Variants in EBF1 observed in about 807,000 individuals in gnomAD.
The protein encoded by EBF1 is EBF transcription factor 1, also known as transcription factor COE1.
A neutral mutation model predicts 68.4 loss-of-function variants in EBF1; 10 were observed. The observed-to-expected ratio is 0.15, with a 90% CI of 0.09 to 0.25. The LOEUF is 0.25. Ranked by LOEUF, EBF1 falls within the 10% of genes least tolerant of loss-of-function variation. The pLI is 1.00. For synonymous variants in EBF1, 298 were observed against 299.8 expected (o/e 0.99, Z 0.06); for missense variants, 509 against 794.4 (o/e 0.64, Z 4.32).
chr5:158,777,296 A>C lies in EBF1; in HGVS notation c.1036+117T>G, dbSNP rs1055490746. The stretch of plus-strand genomic sequence containing the variant: ...CATACATATGGTAAAATGAAGAAAG[A>C]AAGCAGGCTTTAACTAGATTTTAAA... On this transcript the variant is annotated intron_variant, in intron 10 of 15. Coordinates refer to ENST00000313708, the MANE Select transcript of EBF1 (RefSeq NM_024007.5). 2.5e-6 allele frequency: 3 copies of C among 1,198,016 alleles called. No individual in the cohort carries two copies. In the East Asian group the frequency reaches 8.3e-5, roughly 33 times the overall value. The allele number at this position is 1,198,016 out of a possible 1,614,324, so 74.2% of individuals were successfully genotyped here.
intron 6 of EBF1, among the ~76,000 whole-genome samples, chr5:158,855,244 T>A (rs933815793): frequency 2.0e-5 from 3 of 152,240 alleles, no homozygotes; most frequent in Non-Finnish European, 4.4e-5. Context: ...AACAATTTTT[T>A]AAAAACAGGC....
chr5:159,013,345 A>C (rs1354013371), intron 6 of EBF1, among the ~76,000 whole-genome samples: 1 of 152,212 alleles, frequency 6.6e-6, no homozygotes, highest in Admixed American at 6.5e-5. Flanking sequence ...CATGAATCAA[A>C]TAGTCTCCTA....
chr5:159,047,939 T>A (rs1772759706), intron 6 of EBF1, among the ~76,000 whole-genome samples: 1 of 152,146 alleles, frequency 6.6e-6, no homozygotes, highest in African/African-American at 2.4e-5. Context: ...CCCAGAACTG[T>A]CTGCATTTCA....
At chr5:158,715,108 G>A (rs1760348432) in intron 11 of EBF1, among the ~76,000 whole-genome samples, 1 of 152,180 alleles carries the variant, frequency 6.6e-6, no homozygotes, top group South Asian at 2.1e-4. Context: ...GAAAAGCAAA[G>A]TTAAGCTTGA....
chr5:158,947,849 G>A (rs978140403), intron 6 of EBF1, among the ~76,000 whole-genome samples: 2 of 151,884 alleles, frequency 1.3e-5, no homozygotes, highest in African/African-American at 2.4e-5. Context: ...AGGAGAACAG[G>A]AGAAATGTGG....
At position 158,841,048 on chromosome 5, in the gene EBF1, C is replaced by T. The variant is rs138467904; in HGVS notation, c.555-938G>A. ...TAAAGATTTTCCTGCCTCACTGCCA[C>T]CTTGGTTTCTGAATTGGTTCTGTAG... On this transcript the variant is annotated intron_variant, in intron 6 of 15. Transcript: ENST00000313708. Among the ~76,000 whole-genome samples the T allele has an allele frequency of 5.2e-3, 790 of 152,226 alleles. 4 individuals are homozygous for T. The highest frequency in any genetic ancestry group is 9.2e-3 in the Non-Finnish European group (626 of 68,014).
At chr5:158,965,368 T>C (rs907410609) in intron 6 of EBF1, among the ~76,000 whole-genome samples, 3 of 152,204 alleles carry the variant, frequency 2.0e-5, no homozygotes, top group Admixed American at 6.5e-5. Context: ...AAAAAATGCT[T>C]GCAAACTTGT....
At chr5:159,093,814 C>T (rs766707515) in intron 4 of EBF1, among the ~76,000 whole-genome samples, 3 of 151,936 alleles carry the variant, frequency 2.0e-5, no homozygotes, top group Non-Finnish European at 2.9e-5. Flanking sequence ...TAATTCTGTG[C>T]TTCTTACAAT....
At chr5:158,979,426 T>G (rs1583629495) in intron 6 of EBF1, among the ~76,000 whole-genome samples, 1 of 152,070 alleles carries the variant, frequency 6.6e-6, no homozygotes, top group Admixed American at 6.5e-5. Context: ...TTGCAGTGGG[T>G]GTGTGTGTTT....
intron 8 of EBF1, among the ~76,000 whole-genome samples, chr5:158,807,461 C>T (rs998075001): frequency 2.0e-5 from 3 of 152,096 alleles, no homozygotes; most frequent in Admixed American, 6.6e-5. Context: ...TTAGTAAATC[C>T]AGGTTTTCAT....
chr5:158,862,392 C>G (rs1469412250), intron 6 of EBF1, among the ~76,000 whole-genome samples: 6 of 152,102 alleles, frequency 3.9e-5, no homozygotes, highest in Admixed American at 2.0e-4. Context: ...TCCAGTGAAG[C>G]AAGCAGCACA....
intron 6 of EBF1, among the ~76,000 whole-genome samples, chr5:158,971,067 C>T: frequency 6.6e-6 from 1 of 152,196 alleles, no homozygotes; most frequent in Non-Finnish European, 1.5e-5. Flanking sequence ...ACCGGGTAAC[C>T]TATTAGGCCT....
chr5:158,798,914 C>T (rs373893104), intron 8 of EBF1, among the ~76,000 whole-genome samples: 1 of 152,146 alleles, frequency 6.6e-6, no homozygotes, highest in South Asian at 2.1e-4. Flanking sequence ...ATCCCTGCTT[C>T]GAGACTATAT....
chr5:159,052,051 T>C (rs2127822987), intron 6 of EBF1, among the ~76,000 whole-genome samples: 1 of 152,278 alleles, frequency 6.6e-6, no homozygotes, highest in East Asian at 1.9e-4. Context: ...GAAGATTTAG[T>C]ATATTTGTTT....
chr5:158,782,096 A>G (rs1008632876), intron 9 of EBF1, among the ~76,000 whole-genome samples: 4 of 152,274 alleles, frequency 2.6e-5, no homozygotes, highest in Middle Eastern at 6.8e-3. Context: ...TGCTTTCTCC[A>G]TGCCATTCTT....
At chr5:158,994,318 GGGTACTGTGTACAGT>G (rs1448905519) in intron 6 of EBF1, among the ~76,000 whole-genome samples, 2 of 152,162 alleles carry the variant, frequency 1.3e-5, no homozygotes, top group Non-Finnish European at 2.9e-5. Context: ...GATATTATTT[GGGTACTGTGTACAGT>G]GGCTTTGCCC....
chr5:158,780,382 A>G (rs561157850), intron 9 of EBF1, among the ~76,000 whole-genome samples: 2 of 152,266 alleles, frequency 1.3e-5, no homozygotes, highest in South Asian at 4.2e-4. Flanking sequence ...ACTCAAAGCA[A>G]CAGAAGGAGG....
chr5:158,937,397 A>C (rs1418261790), intron 6 of EBF1, among the ~76,000 whole-genome samples: 2 of 152,320 alleles, frequency 1.3e-5, no homozygotes, highest in African/African-American at 2.4e-5. Context: ...GGAAGCCACG[A>C]GGATTAAAGA....
intron 4 of EBF1, among the ~76,000 whole-genome samples, chr5:159,091,733 A>T (rs73818934): frequency 0.011 from 1,612 of 152,334 alleles, 38 homozygotes; most frequent in African/African-American, 0.037. Context: ...GGGAAGATCA[A>T]AACAAATATA....
Sources: allele counts gnomAD v4.1 joint callset (sites outside exome capture counted in the v4.1 genomes callset), GRCh38; gene constraint gnomAD v4.1.1; transcripts MANE v1.5; gene names NCBI Gene and HGNC (gene_info 2026-07-23, HGNC 2026-07-21).